RABL6: variants seen among roughly 807,000 people sequenced by gnomAD.
RABL6 encodes the protein rab-like protein 6.
In RABL6, 28 loss-of-function variants were observed where a neutral mutation model predicts 72.9. That is an observed-to-expected ratio of 0.38 (90% CI 0.28 to 0.53). The LOEUF (loss-of-function observed/expected upper bound fraction) is 0.53, where lower values mean the gene tolerates loss of function less well. Among genes scored for constraint, RABL6 ranks in the 20% least tolerant of loss-of-function variants. The pLI, the probability that RABL6 is intolerant of heterozygous loss-of-function variation, is 0.80. For synonymous variants in RABL6, 477 were observed against 421.2 expected, an observed-to-expected ratio of 1.13 and a Z score of -1.62; for missense variants, 1,029 against 1,008.4, an observed-to-expected ratio of 1.02 and a Z score of -0.28.
intron 1 of RABL6, among the ~76,000 whole-genome samples, chr9:136,819,390 G>A (rs1406741739): frequency 6.6e-5 from 10 of 152,036 alleles, no homozygotes; most frequent in South Asian, 2.1e-4. Context: ...AAGGCTGGGG[G>A]AGGGGCAAGG....
At chr9:136,817,563 G>A (rs976113420) in intron 1 of RABL6, among the ~76,000 whole-genome samples, 14 of 106,624 alleles carry the variant, frequency 1.3e-4, no homozygotes, top group Non-Finnish European at 2.1e-5. Context: ...AGGGGAGGCC[G>A]ACGTGGGCTG....
chr9:136,808,557 C>G, intron 1 of RABL6: 1 of 273,598 alleles, frequency 3.7e-6, no homozygotes, highest in Middle Eastern at 1.1e-3. Context: ...CAGCCGCACT[C>G]GCCTGCCGCG....
At chr9:136,811,127 A>C (rs979175967) in intron 1 of RABL6, among the ~76,000 whole-genome samples, 3 of 152,252 alleles carry the variant, frequency 2.0e-5, no homozygotes, top group African/African-American at 4.8e-5. Context: ...TTTTGAGCTG[A>C]ATATGAGTGA....
At chr9:136,832,717 A>T (rs1183478825) in intron 7 of RABL6, 2 of 368,194 alleles carry the variant, frequency 5.4e-6, no homozygotes, top group Non-Finnish European at 1.0e-5. Flanking sequence ...CTGCGGCCTC[A>T]AACTCCGGGG....
intron 1 of RABL6, among the ~76,000 whole-genome samples, chr9:136,810,667 G>A (rs1433753201): frequency 6.6e-6 from 1 of 151,958 alleles, no homozygotes; most frequent in East Asian, 1.9e-4. Context: ...TCAGCCTCCC[G>A]AGTAGCTGGG....
intron 1 of RABL6, among the ~76,000 whole-genome samples, chr9:136,822,940 T>G (rs1758730749): frequency 1.3e-5 from 2 of 151,912 alleles, no homozygotes; most frequent in South Asian, 2.1e-4. Context: ...TACAAAAAAT[T>G]AGCTGGACAT....
chr9:136,829,542 G>A, intron 5 of RABL6, 58 bp downstream of exon 5: 2 of 1,450,558 alleles, frequency 1.4e-6, no homozygotes, highest in Non-Finnish European at 1.9e-6. Context: ...AGCCCCTTGG[G>A]CGCCCTCTTT....
chr9:136,840,071 G>T, intron 13 of RABL6, 83 bp from the exon 14 acceptor site: 1 of 1,588,788 alleles, frequency 6.3e-7, no homozygotes, highest in Non-Finnish European at 8.6e-7. Flanking sequence ...TCGCTGCTTT[G>T]TGAGTTTCTA....
At chr9:136,822,194 T>TGG (rs145791183) in intron 1 of RABL6, 439 of 860,816 alleles carry the variant, frequency 5.1e-4, no homozygotes, top group Middle Eastern at 1.5e-3. Flanking sequence ...ACAGAAAACC[T>TGG]GGGGGGGGCG....
At chr9:136,821,226 G>C (rs1484126419) in intron 1 of RABL6, 2 of 731,764 alleles carry the variant, frequency 2.7e-6, no homozygotes, top group Non-Finnish European at 3.3e-6. Flanking sequence ...GGGTTGAGGA[G>C]CCGAGATGCG....
chr9:136,835,676 C>CCG, intron 7 of RABL6, 66 bp from the exon 8 acceptor site: 1 of 1,405,550 alleles, frequency 7.1e-7, no homozygotes, highest in East Asian at 2.5e-5. Context: ...CATTCAGGGG[C>CCG]TGTGGGGCTG....
chr9:136,840,893 C>A lies in RABL6; in HGVS notation c.*371C>A, dbSNP rs1848684682. The A allele has an allele frequency of 6.6e-7, 1 of 1,509,060 alleles. No individual in the cohort carries two copies. The highest frequency in any genetic ancestry group is 2.5e-5 in the East Asian group (1 of 40,324). The allele number at this position is 1,509,060 out of a possible 1,614,324, so 93.5% of individuals were successfully genotyped here. On this transcript the variant is annotated 3_prime_UTR_variant, in exon 15 of 15. Transcript: ENST00000311502. The stretch of plus-strand genomic sequence containing the variant: ...GCTTGGCTGTGGGGTGTGCGCTGCC[C>A]CGGCACCTGCTTGCCCTCCGCGCTC...
intron 1 of RABL6, among the ~76,000 whole-genome samples, chr9:136,818,175 AAC>A (rs1848158845): frequency 6.6e-6 from 1 of 151,376 alleles, no homozygotes; most frequent in Non-Finnish European, 1.5e-5. Context: ...CATCCTGGCT[AAC>A]ACAGTGAAAC....
At chr9:136,815,456 A>G in intron 1 of RABL6, 1 of 265,972 alleles carries the variant, frequency 3.8e-6, no homozygotes, top group South Asian at 4.5e-5. Flanking sequence ...CCTCATCTTC[A>G]CTTCCTCCTT....
Position 136,808,288 on chromosome 9 carries a change from C to G in RABL6, c.92C>G (p.Ala31Gly). 6.4e-7 allele frequency: 1 copy of G among 1,562,134 alleles called. No individual in the cohort carries two copies. Among genetic ancestry groups the G allele is most frequent in the Non-Finnish European group, 8.7e-7 (1 of 1,155,608 alleles). Residue 31 changes from alanine to glycine, a missense_variant, in exon 1 of 15, where the codon GCG (alanine) becomes GGG (glycine). Ala to Gly is a moderately conservative substitution (Grantham distance 60). Transcript: ENST00000311502. The stretch of plus-strand genomic sequence containing the variant: ...GCCGGGCTGCAGTCCATGAACCAGG[C>G]GTTGCAGAGGCGCTTCGCCAAGGGG... ...IPAGLQSMNQ[A>G]LQRRFAKGVQ...
chr9:136,839,113 G>T lies in RABL6; in HGVS notation c.1485G>T (p.Glu495Asp). 1 of 1,612,330 alleles carries T rather than the reference G, an allele frequency of 6.2e-7. No homozygotes were observed. Among genetic ancestry groups the T allele is most frequent in the Admixed American group, 1.7e-5 (1 of 59,992 alleles). The change falls in exon 11 of 15, where the codon GAG becomes GAT. Residue 495 changes from glutamate (E) to aspartate (D), a missense_variant. Physicochemically the swap from Glu to Asp is conservative, Grantham distance 45. Transcript: ENST00000311502. ...CTCCCCAGCAGTGCTCAGAGCCAGA[G>T]ACCAAGTGGTAAGGGCAGGTGTCCC... ...APAPQQCSEP[E>D]TKWSSIPASK...
rs1044159445 is a variant in RABL6 at position 136,835,426 on chromosome 9, G to A, written c.706-316G>A. On this transcript the variant is annotated intron_variant, in intron 7 of 14. Transcript: ENST00000311502. ...GGCTTTGTTTCCCAGGTGAAGGTGCGGCTTCTTCACTCTTAGAGGTGCGTG... is the reference window on the plus strand; with the variant it reads ...GGCTTTGTTTCCCAGGTGAAGGTGCAGCTTCTTCACTCTTAGAGGTGCGTG... The A allele has an allele frequency of 2.9e-5, 7 of 241,470 alleles. 1 individual carries two copies. The highest frequency in any genetic ancestry group is 2.1e-4 in the South Asian group (2 of 9,736). 15.0% of individuals were successfully genotyped at this position (241,470 alleles called of 1,614,324 possible).
In RABL6 at chr9:136,840,839, G is replaced by T. The variant is rs984940472; in HGVS notation, c.*317G>T. 10 of 1,545,786 alleles carry T rather than the reference G, an allele frequency of 6.5e-6. No homozygotes were observed. In the African/African-American group the frequency reaches 1.2e-4, roughly 19 times the overall value. ...CTGAGGCCCAGGAGGGACCTGTGAG[G>T]GTCTGTTTACAGAGGCTGGGCAGGG... On this transcript the variant is annotated 3_prime_UTR_variant, in exon 15 of 15. Coordinates refer to ENST00000311502, the MANE Select transcript of RABL6 (RefSeq NM_024718.5).
intron 1 of RABL6, among the ~76,000 whole-genome samples, chr9:136,818,742 CAA>C (rs59890458): frequency 3.0e-5 from 4 of 131,300 alleles, no homozygotes; most frequent in Admixed American, 7.6e-5. Flanking sequence ...GAGACTTAAT[CAA>C]AAAAAAAAAA....
Sources: allele counts gnomAD v4.1 joint callset (sites outside exome capture counted in the v4.1 genomes callset), GRCh38; gene constraint gnomAD v4.1.1; transcripts MANE v1.5; gene names NCBI Gene and HGNC (gene_info 2026-07-23, HGNC 2026-07-21).